The following ATP6V0A4 variants were observed in gnomAD, a reference collection of about 807,000 sequenced individuals.
The protein encoded by ATP6V0A4 is ATPase H+ transporting V0 subunit a4.
A neutral mutation model predicts 107.3 loss-of-function variants in ATP6V0A4; 86 were observed. That is an observed-to-expected ratio of 0.80 (90% CI 0.67 to 0.96). The LOEUF (loss-of-function observed/expected upper bound fraction) is 0.96, where lower values mean the gene tolerates loss of function less well. ATP6V0A4 is among the 40% of genes least tolerant of loss of function. The pLI is 0.00. For missense variants in ATP6V0A4, 908 were observed against 1,045.6 expected (o/e 0.87, Z 1.81); for synonymous variants, 353 against 381.4 (o/e 0.93, Z 0.87).
intron 20 of ATP6V0A4, among the ~76,000 whole-genome samples, chr7:138,711,954 A>G (rs1475922354): frequency 1.3e-5 from 2 of 151,900 alleles, no homozygotes; most frequent in African/African-American, 4.8e-5. Flanking sequence ...CTTTTTCGAG[A>G]CAGAGTCTCG....
chr7:138,744,948 C>T (rs7341459), intron 14 of ATP6V0A4, among the ~76,000 whole-genome samples, 175 bp downstream of exon 14: 3 of 152,220 alleles, frequency 2.0e-5, no homozygotes, highest in Admixed American at 1.3e-4. Context: ...GGTGATCCAC[C>T]TGCCTCAGCC....
chr7:138,751,266 GCC>G (rs542994896), intron 11 of ATP6V0A4, among the ~76,000 whole-genome samples: 18 of 152,250 alleles, frequency 1.2e-4, no homozygotes, highest in African/African-American at 4.3e-4. Context: ...CCTCCCACCG[GCC>G]CTGCTGCTTC....
chr7:138,752,991 C>T, intron 10 of ATP6V0A4, 154 bp from the exon 11 acceptor site: 1 of 857,484 alleles, frequency 1.2e-6, no homozygotes, highest in Non-Finnish European at 1.4e-6. Context: ...CTCTCCTGAG[C>T]AGTTTATCTC....
At chr7:138,792,177 G>C (rs1008405571) in intron 1 of ATP6V0A4, among the ~76,000 whole-genome samples, 7 of 151,992 alleles carry the variant, frequency 4.6e-5, no homozygotes, top group African/African-American at 9.7e-5. Flanking sequence ...GCGTGGTGGC[G>C]GGCACCTGTA....
At chr7:138,706,862 C>G in intron 21 of ATP6V0A4, 145 bp from the exon 22 acceptor site, 1 of 1,234,302 alleles carries the variant, frequency 8.1e-7, no homozygotes, top group Non-Finnish European at 1.1e-6. Context: ...GGCACCCAGG[C>G]TGATGGCTGC....
chr7:138,721,833 C>T (rs1584897203), intron 19 of ATP6V0A4, 64 bp downstream of exon 19: 19 of 1,594,848 alleles, frequency 1.2e-5, no homozygotes, highest in Non-Finnish European at 1.5e-5. Context: ...GCTCTACTGC[C>T]TATGTCCATT....
chr7:138,760,280 C>A (rs1276396974), intron 7 of ATP6V0A4, among the ~76,000 whole-genome samples: 1 of 151,846 alleles, frequency 6.6e-6, no homozygotes, highest in African/African-American at 2.4e-5. Flanking sequence ...CCCATCTCTA[C>A]TAAAAATACA....
At chr7:138,781,837 C>G (rs796432218) in intron 2 of ATP6V0A4, among the ~76,000 whole-genome samples, 4 of 67,298 alleles carry the variant, frequency 5.9e-5, no homozygotes, top group African/African-American at 2.9e-4. Context: ...CTCTGTCTCT[C>G]TCTCTCTTTT....
intron 2 of ATP6V0A4, among the ~76,000 whole-genome samples, chr7:138,775,421 C>A (rs974241296): frequency 1.3e-5 from 2 of 152,098 alleles, no homozygotes; most frequent in African/African-American, 4.8e-5. Flanking sequence ...TCCTAAAATT[C>A]AATAATTCTT....
intron 18 of ATP6V0A4, among the ~76,000 whole-genome samples, chr7:138,726,241 G>A (rs1032954591): frequency 1.7e-4 from 26 of 151,826 alleles, no homozygotes; most frequent in East Asian, 1.6e-3. Flanking sequence ...CGCCCGCCTC[G>A]GCCTCCCAAA....
At chr7:138,775,077 C>T (rs1295061661) in intron 2 of ATP6V0A4, among the ~76,000 whole-genome samples, 1 of 152,148 alleles carries the variant, frequency 6.6e-6, no homozygotes, top group African/African-American at 2.4e-5. Flanking sequence ...GGGTGGTGCA[C>T]AGATCCCCCA....
intron 11 of ATP6V0A4, 118 bp downstream of exon 11, chr7:138,752,507 G>T: frequency 7.7e-7 from 1 of 1,301,400 alleles, no homozygotes; most frequent in East Asian, 2.5e-5. Context: ...CAAAGATGAA[G>T]GAAGCAATCC....
intron 2 of ATP6V0A4, among the ~76,000 whole-genome samples, chr7:138,774,704 G>A (rs1378750482): frequency 1.0e-4 from 5 of 47,954 alleles, no homozygotes; most frequent in East Asian, 4.3e-4. Context: ...ATGTATATAC[G>A]TGTGTATATA....
At chr7:138,795,524 C>T (rs373225234) in intron 1 of ATP6V0A4, among the ~76,000 whole-genome samples, 188 of 152,338 alleles carry the variant, frequency 1.2e-3, no homozygotes, top group African/African-American at 4.2e-3. Context: ...ACGTCAAACA[C>T]ATTAAAATGC....
At chr7:138,772,192 T>C (rs1360088854) in intron 2 of ATP6V0A4, among the ~76,000 whole-genome samples, 2 of 152,236 alleles carry the variant, frequency 1.3e-5, no homozygotes, top group Non-Finnish European at 2.9e-5. Context: ...TATCAATGTC[T>C]ATCAAATCTT....
At chr7:138,732,584 A>G (rs1584907210) in intron 17 of ATP6V0A4, among the ~76,000 whole-genome samples, 2 of 152,220 alleles carry the variant, frequency 1.3e-5, no homozygotes, top group South Asian at 2.1e-4. Flanking sequence ...GCTTGAGGTC[A>G]TGAGTTCGAG....
At chr7:138,779,641 A>G (rs76448123) in intron 2 of ATP6V0A4, among the ~76,000 whole-genome samples, 1,874 of 152,282 alleles carry the variant, frequency 0.012, 45 homozygotes, top group African/African-American at 0.043. Flanking sequence ...TCATAATTCT[A>G]CCCAACATGA....
At chr7:138,748,393 C>A (rs959495850) in intron 12 of ATP6V0A4, among the ~76,000 whole-genome samples, 2 of 151,884 alleles carry the variant, frequency 1.3e-5, no homozygotes, top group African/African-American at 2.4e-5. Context: ...TCTGGTCTAT[C>A]CTTTCATTTT....
intron 20 of ATP6V0A4, among the ~76,000 whole-genome samples, chr7:138,713,016 C>G (rs974519955): frequency 6.6e-6 from 1 of 151,966 alleles, no homozygotes; most frequent in Non-Finnish European, 1.5e-5. Flanking sequence ...TGCGGCCGGG[C>G]GCGGTGGCTC....
Sources: gnomAD v4.1 joint callset for allele counts (sites outside exome capture counted in the v4.1 genomes callset) on GRCh38, gnomAD v4.1.1 for gene constraint, MANE v1.5 for transcripts, NCBI Gene and HGNC (gene_info 2026-07-23, HGNC 2026-07-21) for gene names.